The following RBFOX1 variants were observed in gnomAD, a reference collection of about 807,000 sequenced individuals.
The protein encoded by RBFOX1 is RNA binding protein fox-1 homolog 1.
A neutral mutation model predicts 57.7 loss-of-function variants in RBFOX1; 8 were observed. The ratio of observed to expected loss-of-function variants is 0.14; its 90% CI spans 0.08 to 0.25. The LOEUF (loss-of-function observed/expected upper bound fraction) is 0.25, where lower values mean the gene tolerates loss of function less well. Ranked by LOEUF, RBFOX1 falls within the 10% of genes least tolerant of loss-of-function variation. The pLI is 1.00. For missense variants in RBFOX1, 611 were observed against 548.5 expected (o/e 1.11, Z -1.14); for synonymous variants, 326 against 222.4 (o/e 1.47, Z -4.15).
intron 3 of RBFOX1, among the ~76,000 whole-genome samples, chr16:6,878,571 G>A (rs150539570): frequency 3.5e-4 from 54 of 152,234 alleles, no homozygotes; most frequent in Admixed American, 1.0e-3. Flanking sequence ...ATCACATGGC[G>A]CATCCTGACT....
intron 1 of RBFOX1, among the ~76,000 whole-genome samples, chr16:5,410,000 A>G (rs958330392): frequency 6.6e-6 from 1 of 151,356 alleles, no homozygotes; most frequent in Non-Finnish European, 1.5e-5. Context: ...GTGAGCTGAG[A>G]TCACGCCAGT....
intron 1 of RBFOX1, among the ~76,000 whole-genome samples, chr16:6,127,087 C>CA (rs1195498678): frequency 2.6e-5 from 4 of 152,204 alleles, no homozygotes; most frequent in African/African-American, 9.6e-5. Context: ...AAGAACATCT[C>CA]AGAGGTAGCA....
chr16:5,382,008 C>G (rs1055859078), intron 1 of RBFOX1, among the ~76,000 whole-genome samples: 1 of 152,212 alleles, frequency 6.6e-6, no homozygotes, highest in Non-Finnish European at 1.5e-5. Flanking sequence ...ATCTTCATCT[C>G]CCCAAACTGG....
At chr16:6,393,917 C>G (rs2092711473) in intron 2 of RBFOX1, among the ~76,000 whole-genome samples, 1 of 152,186 alleles carries the variant, frequency 6.6e-6, no homozygotes, top group South Asian at 2.1e-4. Context: ...ATTATGATCT[C>G]TCTCTGGAAG....
chr16:5,539,659 T>A (rs923498374), intron 2 of RBFOX1, among the ~76,000 whole-genome samples: 3 of 152,072 alleles, frequency 2.0e-5, no homozygotes, highest in African/African-American at 7.2e-5. Context: ...AAGGGAGTGA[T>A]GGGAATAGTT....
chr16:5,373,443 A>C (rs1377784953), intron 1 of RBFOX1, among the ~76,000 whole-genome samples: 1 of 152,006 alleles, frequency 6.6e-6, no homozygotes, highest in Non-Finnish European at 1.5e-5. Context: ...GTTGTTTAAA[A>C]GTGTGTAGCA....
chr16:7,290,903 A>C (rs796708513), intron 4 of RBFOX1, among the ~76,000 whole-genome samples: 18 of 152,352 alleles, frequency 1.2e-4, no homozygotes, highest in African/African-American at 4.1e-4. Context: ...ACCCCTGTGA[A>C]GAATAAACAG....
intron 2 of RBFOX1, among the ~76,000 whole-genome samples, chr16:6,536,910 T>G (rs374922328): frequency 5.9e-5 from 9 of 152,216 alleles, no homozygotes; most frequent in Non-Finnish European, 1.0e-4. Context: ...ATATGACATA[T>G]CTAAATTATG....
At chr16:6,834,194 C>T (rs530264255) in intron 3 of RBFOX1, among the ~76,000 whole-genome samples, 51 of 152,208 alleles carry the variant, frequency 3.4e-4, no homozygotes, top group Admixed American at 8.5e-4. Context: ...CTGCCTCAGC[C>T]TCCCAGGTAG....
intron 2 of RBFOX1, among the ~76,000 whole-genome samples, chr16:6,568,871 C>A (rs141442912): frequency 6.6e-6 from 1 of 152,082 alleles, no homozygotes; most frequent in Non-Finnish European, 1.5e-5. Flanking sequence ...TGGGTTTAAG[C>A]GATTATCCTG....
intron 2 of RBFOX1, among the ~76,000 whole-genome samples, chr16:6,455,285 A>G (rs2094741820): frequency 6.6e-6 from 1 of 152,144 alleles, no homozygotes; most frequent in African/African-American, 2.4e-5. Flanking sequence ...GAGAGACCTG[A>G]ACAACCTAAC....
At chr16:7,383,456 T>G (rs562312425) in intron 4 of RBFOX1, among the ~76,000 whole-genome samples, 1 of 152,106 alleles carries the variant, frequency 6.6e-6, no homozygotes, top group African/African-American at 2.4e-5. Context: ...TCTTGAATTA[T>G]CTGAGTTTTA....
chr16:7,540,785 T>C (rs750640871), intron 5 of RBFOX1, among the ~76,000 whole-genome samples: 5 of 152,228 alleles, frequency 3.3e-5, no homozygotes, highest in Non-Finnish European at 5.9e-5. Flanking sequence ...CCAGCACTCA[T>C]GCTAGGCTTG....
rs796482455 is a variant in RBFOX1, at chr16:6,676,138, ACG to A, written c.-16+21492_-16+21493del. On this transcript the variant is annotated intron_variant, in intron 3 of 15. Coordinates refer to ENST00000550418, the MANE Select transcript of RBFOX1 (RefSeq NM_018723.4). Reference sequence around the variant, plus strand: ...GATGCTGCCTAGGGGACACACACACACGCGCACACACACACACACACACACAC... The same window carrying A: ...GATGCTGCCTAGGGGACACACACACACGCACACACACACACACACACACAC... Among the ~76,000 whole-genome samples the A allele has an allele frequency of 9.0e-3, 254 of 28,068 alleles. 3 individuals carry two copies. Among genetic ancestry groups the A allele is most frequent in the Middle Eastern group, 0.045 (1 of 22 alleles). The allele number at this position is 28,068 out of a possible 152,430, so 18.4% of individuals were successfully genotyped here. A position where few individuals can be genotyped will look rare whatever the true frequency, so the allele number is the denominator to read the frequency against.
At chr16:6,121,114 G>C (rs943806411) in intron 1 of RBFOX1, among the ~76,000 whole-genome samples, 2 of 152,150 alleles carry the variant, frequency 1.3e-5, no homozygotes, top group Admixed American at 6.5e-5. Context: ...CTGGCCTGTT[G>C]GGAGTGTGCA....
chr16:5,564,402 C>T (rs968239275), intron 2 of RBFOX1, among the ~76,000 whole-genome samples: 1 of 152,122 alleles, frequency 6.6e-6, no homozygotes, highest in African/African-American at 2.4e-5. Flanking sequence ...GAATTTTTGT[C>T]TCCTCCCACT....
At position 5,947,600 on chromosome 16, in the gene RBFOX1, T is replaced by C. The variant is rs1597909041; in HGVS notation, c.351+80265T>C. Among the ~76,000 whole-genome samples the C allele has an allele frequency of 1.3e-5, 2 of 152,304 alleles. No homozygotes were observed. The highest frequency in any genetic ancestry group is 4.8e-5 in the African/African-American group (2 of 41,568). ...AGCCTCCCAAAGTGCTGGGATTACATGCATGATCCACCATGTCTTGACCCT... is the reference window on the plus strand; with the variant it reads ...AGCCTCCCAAAGTGCTGGGATTACACGCATGATCCACCATGTCTTGACCCT... On this transcript the variant is annotated intron_variant, in intron 4 of 19. Coordinates refer to the RBFOX1 transcript ENST00000641259. This position sits in a 1 kb window ranked among gnomAD's most constrained non-coding sequence, Gnocchi z 7.2.
chr16:5,856,563 A>ATGTGTGTGTGTGTG (rs1317876935), intron 3 of RBFOX1, among the ~76,000 whole-genome samples: 21 of 66,926 alleles, frequency 3.1e-4, no homozygotes, highest in African/African-American at 1.3e-3. Context: ...GTGTGTGTGT[A>ATGTGTGTGTGTGTG]TGTGTGTGTG....
At chr16:6,663,851 GGA>G (rs2154101220) in intron 3 of RBFOX1, among the ~76,000 whole-genome samples, 1 of 152,238 alleles carries the variant, frequency 6.6e-6, no homozygotes, top group East Asian at 1.9e-4. Flanking sequence ...GAGGGAGTCT[GGA>G]GGTTGAGCAT....
Sources: allele counts gnomAD v4.1 joint callset (sites outside exome capture counted in the v4.1 genomes callset), GRCh38; gene constraint gnomAD v4.1.1; non-coding constraint Gnocchi (gnomAD v3.1); transcripts MANE v1.5; gene names NCBI Gene and HGNC (gene_info 2026-07-23, HGNC 2026-07-21).